Variants in DAB1 observed in about 807,000 individuals in gnomAD.
DAB1 encodes the protein DAB adaptor protein 1, also known as disabled homolog 1.
In DAB1, 15 loss-of-function variants were observed where a neutral mutation model predicts 64.6. The observed-to-expected ratio is 0.23, with a 90% confidence interval of 0.16 to 0.36. The LOEUF (loss-of-function observed/expected upper bound fraction) is 0.36, where lower values mean the gene tolerates loss of function less well. DAB1 is among the 10% of genes least tolerant of loss of function. The pLI is 1.00. For missense variants in DAB1, 596 were observed against 706.7 expected (o/e 0.84, Z 1.78); for synonymous variants, 235 against 251.9 (o/e 0.93, Z 0.64).
intron 1 of DAB1, among the ~76,000 whole-genome samples, chr1:57,409,837 G>C (rs756381385): frequency 2.0e-5 from 3 of 152,056 alleles, no homozygotes; most frequent in Non-Finnish European, 2.9e-5. Flanking sequence ...ACAAAAACTA[G>C]CATCAGATAA....
chr1:57,108,184 T>A (rs1655340976), intron 4 of DAB1, among the ~76,000 whole-genome samples: 1 of 152,104 alleles, frequency 6.6e-6, no homozygotes, highest in Non-Finnish European at 1.5e-5. Context: ...CAATATATTA[T>A]CCCCAAATGA....
At chr1:57,920,784 G>A (rs966784696) in intron 5 of DAB1, among the ~76,000 whole-genome samples, 2 of 152,166 alleles carry the variant, frequency 1.3e-5, no homozygotes, top group Admixed American at 1.3e-4. Flanking sequence ...GGCATCATTA[G>A]TATCACTGTT....
intron 5 of DAB1, among the ~76,000 whole-genome samples, chr1:57,894,141 G>A (rs751465001): frequency 1.4e-4 from 22 of 152,150 alleles, no homozygotes; most frequent in Non-Finnish European, 2.9e-4. Context: ...CAGGTCGAAA[G>A]GTCAAACCCC....
At chr1:58,071,898 T>A (rs1427961587) in intron 5 of DAB1, among the ~76,000 whole-genome samples, 1 of 152,164 alleles carries the variant, frequency 6.6e-6, no homozygotes, top group Non-Finnish European at 1.5e-5. Context: ...CCAAGCATTA[T>A]TCTAGGCCTG....
intron 7 of DAB1, among the ~76,000 whole-genome samples, chr1:57,592,293 T>A (rs558107005): frequency 6.6e-6 from 1 of 152,302 alleles, no homozygotes; most frequent in East Asian, 1.9e-4. Context: ...ACACACAGGA[T>A]TTTAACAAAT....
intron 1 of DAB1, among the ~76,000 whole-genome samples, chr1:57,858,409 T>G (rs1653855986): frequency 6.6e-6 from 1 of 152,106 alleles, no homozygotes; most frequent in Non-Finnish European, 1.5e-5. Flanking sequence ...CCACACCACT[T>G]TTCTTAGAGC....
chr1:57,440,477 A>G (rs1307586517), intron 7 of DAB1, among the ~76,000 whole-genome samples: 2 of 152,092 alleles, frequency 1.3e-5, no homozygotes, highest in Non-Finnish European at 1.5e-5. Flanking sequence ...TAATCCAGCC[A>G]GGGCTTGTGA....
intron 6 of DAB1, among the ~76,000 whole-genome samples, chr1:57,715,481 G>GA (rs1280116640): frequency 6.6e-6 from 1 of 152,122 alleles, no homozygotes; most frequent in African/African-American, 2.4e-5. Flanking sequence ...TACAAATTGG[G>GA]AAAAAGGAAG....
At chr1:57,030,679 G>A (rs1171440428) in intron 9 of DAB1, among the ~76,000 whole-genome samples, 2 of 152,194 alleles carry the variant, frequency 1.3e-5, no homozygotes, top group Admixed American at 6.5e-5. Context: ...AGCAGCTGAT[G>A]GGAATGAGGT....
rs139412384 is a variant in DAB1 at position 58,199,257 on chromosome 1, CTATT to C, written n.310-48673_310-48670del. 3.6e-3 allele frequency among the ~76,000 whole-genome samples: 544 copies of C among 152,260 alleles called. 4 individuals carry two copies. The highest frequency in any genetic ancestry group is 0.012 in the African/African-American group (510 of 41,542). ...TGATGTCTTGTAAGGTCCTGGCTGG[CTATT>C]TAGTTATGTGAACTCTCCATTACCA... On this transcript the variant is annotated intron_variant and non_coding_transcript_variant, in intron 4 of 20. Coordinates refer to the DAB1 transcript ENST00000485760.
intron 3 of DAB1, among the ~76,000 whole-genome samples, chr1:58,465,797 T>C (rs1418864502): frequency 3.3e-5 from 5 of 152,172 alleles, no homozygotes; most frequent in Non-Finnish European, 7.3e-5. Flanking sequence ...GGAACCGTCA[T>C]TATCCACACT....
intron 6 of DAB1, among the ~76,000 whole-genome samples, chr1:57,767,355 T>C (rs1432252396): frequency 1.3e-5 from 2 of 151,974 alleles, no homozygotes; most frequent in African/African-American, 4.8e-5. Flanking sequence ...ATTCCAAGAG[T>C]TTTAGGAGCT....
At chr1:57,233,428 A>G (rs561317357) in intron 2 of DAB1, among the ~76,000 whole-genome samples, 35 of 150,710 alleles carry the variant, frequency 2.3e-4, no homozygotes, top group African/African-American at 7.5e-4. Context: ...ACGCCTGGCT[A>G]ATTTTTTGCT....
chr1:58,129,852 T>C (rs1364375273), intron 5 of DAB1, among the ~76,000 whole-genome samples: 1 of 150,528 alleles, frequency 6.6e-6, no homozygotes, highest in Non-Finnish European at 1.5e-5. Context: ...TCTTTTACAT[T>C]TGCTGAGGAG....
intron 3 of DAB1, among the ~76,000 whole-genome samples, chr1:58,471,826 G>A (rs915945127): frequency 2.6e-5 from 4 of 152,008 alleles, no homozygotes; most frequent in African/African-American, 9.7e-5. Flanking sequence ...TAAGTTCCCT[G>A]AGGCCTTCCC....
At chr1:57,263,807 A>G (rs1670380217) in intron 2 of DAB1, among the ~76,000 whole-genome samples, 2 of 152,312 alleles carry the variant, frequency 1.3e-5, no homozygotes, top group South Asian at 2.1e-4. Flanking sequence ...TTAAATCTTG[A>G]CAGTTTTTCA....
At chr1:57,912,932 C>G (rs866731735) in intron 5 of DAB1, among the ~76,000 whole-genome samples, 19 of 151,820 alleles carry the variant, frequency 1.3e-4, no homozygotes, top group South Asian at 2.1e-4. Flanking sequence ...CACTGCTCAA[C>G]GAAATAAAAG....
chr1:57,953,864 A>G (rs11799537), intron 5 of DAB1, among the ~76,000 whole-genome samples: 2,847 of 152,224 alleles, frequency 0.019, 43 homozygotes, highest in East Asian at 0.041. Context: ...ACATGTCTCA[A>G]TGGTTCAGAT....
At chr1:58,367,500 C>T (rs997663258) in intron 3 of DAB1, among the ~76,000 whole-genome samples, 1 of 152,174 alleles carries the variant, frequency 6.6e-6, no homozygotes, top group Non-Finnish European at 1.5e-5. Context: ...CCAGGACTGA[C>T]CTACCTGCTG....
Sources: gnomAD v4.1 joint callset for allele counts (sites outside exome capture counted in the v4.1 genomes callset) on GRCh38, gnomAD v4.1.1 for gene constraint, MANE v1.5 for transcripts, NCBI Gene and HGNC (gene_info 2026-07-23, HGNC 2026-07-21) for gene names.